Variants in IL20RA observed in about 807,000 individuals in gnomAD.
IL20RA encodes interleukin-20 receptor subunit alpha.
IL20RA carries 29 observed loss-of-function variants against 36.5 expected under a neutral mutation model. The ratio of observed to expected loss-of-function variants is 0.79; its 90% CI spans 0.59 to 1.08. The LOEUF is 1.08. IL20RA is among the 50% of genes least tolerant of loss of function. The pLI is 0.00. For missense variants in IL20RA, 652 were observed against 668.4 expected, an observed-to-expected ratio of 0.98 and a Z score of 0.27; for synonymous variants, 279 against 267.1, an observed-to-expected ratio of 1.04 and a Z score of -0.43.
intron 6 of IL20RA, 46 bp downstream of exon 6, chr6:137,004,575 G>T (rs1289819880): frequency 7.0e-6 from 11 of 1,568,318 alleles, no homozygotes; most frequent in Non-Finnish European, 9.6e-6. Context: ...TGTCCTCCTG[G>T]AGGTGTACTA....
chr6:137,008,114 T>C (rs1210297169), intron 5 of IL20RA, among the ~76,000 whole-genome samples: 1 of 152,106 alleles, frequency 6.6e-6, no homozygotes, highest in Non-Finnish European at 1.5e-5. Flanking sequence ...ACTACAGGCA[T>C]GCACTACCAA....
At chr6:137,034,280 T>C (rs1056696298) in intron 1 of IL20RA, among the ~76,000 whole-genome samples, 3 of 152,192 alleles carry the variant, frequency 2.0e-5, no homozygotes, top group African/African-American at 7.2e-5. Context: ...GAAAGAAATG[T>C]ATGTGAAAAG....
chr6:137,004,759 ATCTGT>A lies in IL20RA; in HGVS notation c.725-4_725del. ...TTTTAGCCTTGAACTCTGATGATTG[ATCTGT>A]AAAAAAAAAAAAAAAGGTGGGAATT... On this transcript the variant is annotated splice_acceptor_variant and splice_polypyrimidine_tract_variant and coding_sequence_variant and intron_variant, in exon 6 of 7. Coordinates refer to ENST00000316649, the MANE Select transcript of IL20RA (RefSeq NM_014432.4). LOFTEE classifies it high-confidence loss of function. The A allele has an allele frequency of 1.4e-6, 2 of 1,471,798 alleles. No individual in the cohort carries two copies. The highest frequency in any genetic ancestry group is 2.8e-5 in the Admixed American group (1 of 35,354). The allele number at this position is 1,471,798 out of a possible 1,614,324, so 91.2% of individuals were successfully genotyped here. A position where few individuals can be genotyped will look rare whatever the true frequency, so the allele number is the denominator to read the frequency against.
intron 5 of IL20RA, 66 bp from the exon 6 acceptor site, chr6:137,004,826 T>C: frequency 6.9e-7 from 1 of 1,457,970 alleles, no homozygotes; most frequent in Non-Finnish European, 9.3e-7. Context: ...TTTGATGTGA[T>C]GGGAAAAACC....
At chr6:137,043,252 G>A (rs532942754) in intron 1 of IL20RA, among the ~76,000 whole-genome samples, 41 of 152,106 alleles carry the variant, frequency 2.7e-4, no homozygotes, top group African/African-American at 9.9e-4. Context: ...CGTCTGGCTA[G>A]TTTTTTATTT....
chr6:137,017,085 C>G lies in IL20RA; in HGVS notation c.107G>C (p.Gly36Ala). The change falls in exon 2 of 7, where the codon GGT becomes GCT. Residue 36 changes from glycine to alanine, a missense_variant. Coordinates refer to ENST00000316649, the MANE Select transcript of IL20RA (RefSeq NM_014432.4). ...GGTGATGTTTGCAGGTTTAGGCAAACCACCAGAGACACAGGGAACTGAAAA... is the reference window on the plus strand; with the variant it reads ...GGTGATGTTTGCAGGTTTAGGCAAAGCACCAGAGACACAGGGAACTGAAAA... ...WGRAVPCVSG[G>A]LPKPANITFL... 6.2e-7 allele frequency: 1 copy of G among 1,613,434 alleles called. No individual in the cohort carries two copies. The highest frequency in any genetic ancestry group is 8.5e-7 in the Non-Finnish European group (1 of 1,179,770).
At chr6:137,018,383 G>T (rs888114342) in intron 1 of IL20RA, among the ~76,000 whole-genome samples, 4 of 152,116 alleles carry the variant, frequency 2.6e-5, no homozygotes, top group Non-Finnish European at 1.5e-5. Context: ...TGTAAAGATG[G>T]CTGAGTGTAG....
chr6:137,027,537 C>T (rs145079554), intron 1 of IL20RA, among the ~76,000 whole-genome samples: 1 of 152,336 alleles, frequency 6.6e-6, no homozygotes, highest in African/African-American at 2.4e-5. Context: ...CTACGTCTTA[C>T]CAGCTATGCG....
intron 1 of IL20RA, among the ~76,000 whole-genome samples, chr6:137,041,569 G>C (rs1165351906): frequency 6.6e-6 from 1 of 152,148 alleles, no homozygotes; most frequent in African/African-American, 2.4e-5. Flanking sequence ...GTGTGTGTGA[G>C]TGAAGTATGT....
intron 4 of IL20RA, 32 bp downstream of exon 4, chr6:137,009,285 T>C (rs373135632): frequency 6.9e-5 from 108 of 1,560,388 alleles, no homozygotes; most frequent in Non-Finnish European, 9.0e-5. Context: ...GAGTGGTACA[T>C]GAATGTATGC....
intron 1 of IL20RA, among the ~76,000 whole-genome samples, chr6:137,022,420 C>A (rs1314152727): frequency 2.6e-5 from 4 of 152,172 alleles, no homozygotes; most frequent in Non-Finnish European, 5.9e-5. Flanking sequence ...TTTGAAACCA[C>A]AGTTAAATTT....
intron 5 of IL20RA, 148 bp downstream of exon 5, chr6:137,008,451 A>T: frequency 1.3e-6 from 1 of 753,472 alleles, no homozygotes; most frequent in Non-Finnish European, 2.1e-6. Context: ...AGGCTGCTCC[A>T]CGCATTTCTG....
intron 4 of IL20RA, 60 bp from the exon 5 acceptor site, chr6:137,008,803 A>G (rs1775366198): frequency 2.9e-6 from 4 of 1,359,110 alleles, no homozygotes; most frequent in Non-Finnish European, 3.9e-6. Context: ...CACCCCAGAC[A>G]AATAACTGTA....
At chr6:137,004,580 G>T in intron 6 of IL20RA, 41 bp downstream of exon 6, 1 of 1,587,254 alleles carries the variant, frequency 6.3e-7, no homozygotes, top group Non-Finnish European at 8.6e-7. Flanking sequence ...TCCTGGAGGT[G>T]TACTATTATA....
Position 137,001,827 on chromosome 6 carries a change from T to C in IL20RA, c.1393A>G (p.Thr465Ala). ...TCCTCCGGCCCCTCCTCCGAGTCTG[T>C]GTGCTCCTGCGCCAGGGGGTCTAAG... ...QDLDPLAQEH[T>A]DSEEGPEEEP... Residue 465 changes from threonine to alanine, a missense_variant, in exon 7 of 7, where the codon ACA (threonine) becomes GCA (alanine). By Grantham distance (58) the Thr-to-Ala change is moderately conservative. Transcript: ENST00000316649. The C allele has an allele frequency of 6.2e-7, 1 of 1,613,562 alleles. No individual in the cohort carries two copies. The highest frequency in any genetic ancestry group is 2.2e-5 in the East Asian group (1 of 44,862).
chr6:137,002,260 A>G lies in IL20RA; in HGVS notation c.960T>C (p.Ser320=), dbSNP rs1282750139. ...NFITLNISDD[S]KISHQDMSLL... is the part of the protein sequence containing the mutation. ...AACTCATATCCTGATGAGAAATTTT[A>G]GAATCATCCGAGATATTGAGGGTGA... Residue 320 remains serine (S), a synonymous_variant, in exon 7 of 7, where the codon TCT becomes TCC. Transcript: ENST00000316649. 4 of 1,613,982 alleles carry G rather than the reference A, an allele frequency of 2.5e-6. No individual in the cohort carries two copies. In the South Asian group the frequency reaches 3.3e-5, roughly 13 times the overall value.
chr6:137,018,842 C>T, intron 1 of IL20RA, among the ~76,000 whole-genome samples: 1 of 152,122 alleles, frequency 6.6e-6, no homozygotes. Flanking sequence ...AAGGATCTTT[C>T]CAGAGCTAAA....
intron 4 of IL20RA, chr6:137,009,025 C>T (rs2115373073): frequency 3.6e-6 from 2 of 558,234 alleles, no homozygotes; most frequent in Non-Finnish European, 3.1e-6. Flanking sequence ...ACATTTTTTT[C>T]TTCTTCTCAG....
intron 6 of IL20RA, among the ~76,000 whole-genome samples, chr6:137,004,154 G>C (rs1272064018): frequency 1.0e-5 from 1 of 97,146 alleles, no homozygotes; most frequent in East Asian, 2.8e-4. Context: ...AGCTAATCCA[G>C]AAAGCTTTTT....
Sources: allele counts gnomAD v4.1 joint callset (sites outside exome capture counted in the v4.1 genomes callset), GRCh38; gene constraint gnomAD v4.1.1; transcripts MANE v1.5; gene names NCBI Gene and HGNC (gene_info 2026-07-23, HGNC 2026-07-21).